The following CAMTA1 variants were observed in gnomAD, a reference collection of about 807,000 sequenced individuals.
CAMTA1 encodes the protein calmodulin binding transcription activator 1, also known as calmodulin-binding transcription activator 1.
CAMTA1 carries 27 observed loss-of-function variants against 170.9 expected under a neutral mutation model. The observed-to-expected ratio is 0.16, with a 90% CI of 0.12 to 0.22. The LOEUF (loss-of-function observed/expected upper bound fraction) is 0.22, where lower values mean the gene tolerates loss of function less well. Ranked by LOEUF, CAMTA1 falls within the 10% of genes least tolerant of loss-of-function variation. The pLI is 1.00. For synonymous variants in CAMTA1, 833 were observed against 891.5 expected (o/e 0.93, Z 1.17); for missense variants, 1,619 against 2,217.2 (o/e 0.73, Z 5.42).
chr1:7,466,166 A>C (rs1490344031), intron 5 of CAMTA1, among the ~76,000 whole-genome samples: 1 of 152,234 alleles, frequency 6.6e-6, no homozygotes, highest in African/African-American at 2.4e-5. Context: ...ATGTCTAGAC[A>C]TGCGTCTCCT....
At chr1:6,909,005 A>T (rs1424377336) in intron 3 of CAMTA1, among the ~76,000 whole-genome samples, 1 of 152,272 alleles carries the variant, frequency 6.6e-6, no homozygotes, top group Non-Finnish European at 1.5e-5. Flanking sequence ...GGCGAAGTAC[A>T]ATAATAACCA....
At position 7,665,061 on chromosome 1, in the gene CAMTA1, C is replaced by T. The variant is rs756492831; in HGVS notation, c.2514C>T (p.Gly838=). 11 of 1,572,368 alleles carry T rather than the reference C, an allele frequency of 7.0e-6. 1 individual carries two copies. Among genetic ancestry groups the T allele is most frequent in the Middle Eastern group, 3.4e-4 (2 of 5,866 alleles). The change falls in exon 9 of 23, where the codon GGC becomes GGT. Residue 838 remains glycine (G), a synonymous_variant. Coordinates refer to ENST00000303635, the MANE Select transcript of CAMTA1 (RefSeq NM_015215.4). This position sits in a 1 kb window ranked among gnomAD's most constrained non-coding sequence, Gnocchi z 4.3. The stretch of plus-strand genomic sequence containing the variant: ...GCCTGCAGCTGAGCAGCTCGGAGGG[C>T]GGGGCCAGCACCATGGCCTACATGC... ...QGSLQLSSSE[G]GASTMAYMHV... is the part of the protein sequence containing the mutation.
intron 5 of CAMTA1, among the ~76,000 whole-genome samples, chr1:7,355,808 C>T (rs369229824): frequency 1.1e-4 from 17 of 149,706 alleles, no homozygotes; most frequent in East Asian, 6.0e-4. Flanking sequence ...CCCTTGGCTC[C>T]GGCTCACAGG....
At chr1:6,889,593 C>A (rs1674081527) in intron 3 of CAMTA1, among the ~76,000 whole-genome samples, 1 of 152,156 alleles carries the variant, frequency 6.6e-6, no homozygotes, top group Non-Finnish European at 1.5e-5. Flanking sequence ...AAGATTAAAT[C>A]ATGTTTTAAT....
In CAMTA1 at chr1:7,534,269, G is replaced by T. The variant is rs2094524347; in HGVS notation, c.510+66368G>T. Among the ~76,000 whole-genome samples the T allele has an allele frequency of 6.6e-6, 1 of 152,200 alleles. No homozygotes were observed. Among genetic ancestry groups the T allele is most frequent in the Non-Finnish European group, 1.5e-5 (1 of 68,036 alleles). On this transcript the variant is annotated intron_variant, in intron 6 of 22. Transcript: ENST00000303635. This position sits in a 1 kb window ranked among gnomAD's most constrained non-coding sequence, Gnocchi z 5.6. ...ATAACGTTCAGCAGAGCCCAGGCTG[G>T]CTGGAGGCCGAGGCTGGGGGCCGCG...
At chr1:6,960,362 G>T (rs1557888093) in intron 3 of CAMTA1, among the ~76,000 whole-genome samples, 3 of 152,206 alleles carry the variant, frequency 2.0e-5, no homozygotes, top group African/African-American at 7.2e-5. Context: ...GACAGTGTGG[G>T]CCCCCATTTT....
At chr1:6,883,425 G>T (rs1462347096) in intron 3 of CAMTA1, among the ~76,000 whole-genome samples, 4 of 152,194 alleles carry the variant, frequency 2.6e-5, no homozygotes, top group African/African-American at 9.7e-5. Context: ...GCTTTCGGCA[G>T]CCTAAGTGTA....
At chr1:7,276,304 T>TATATATATATATATATATATATA in intron 5 of CAMTA1, among the ~76,000 whole-genome samples, 1 of 14,944 alleles carries the variant, frequency 6.7e-5, no homozygotes, top group Admixed American at 9.4e-4. Flanking sequence ...TATATATATA[T>TATATATATATATATATATATATA]TTTTTTTTTT....
intron 4 of CAMTA1, among the ~76,000 whole-genome samples, chr1:7,138,477 G>A (rs974471888): frequency 2.0e-5 from 3 of 152,080 alleles, no homozygotes; most frequent in East Asian, 3.9e-4. Flanking sequence ...GAAAACAGTC[G>A]ATGCTAATTT....
intron 6 of CAMTA1, among the ~76,000 whole-genome samples, chr1:7,560,480 T>G (rs1321656031): frequency 1.3e-5 from 2 of 152,074 alleles, no homozygotes; most frequent in Non-Finnish European, 2.9e-5. Flanking sequence ...CTCTGTGAAA[T>G]GAGCCATGTA....
chr1:7,011,492 C>T (rs769841841), intron 3 of CAMTA1, among the ~76,000 whole-genome samples: 3 of 152,068 alleles, frequency 2.0e-5, no homozygotes, highest in Admixed American at 6.5e-5. Context: ...TCTGAAGATG[C>T]GGAGGACCTA....
rs769896659 is a variant in CAMTA1 at position 7,041,210 on chromosome 1, G to A, written c.235-50094G>A. Among the ~76,000 whole-genome samples, 2 of 152,244 alleles carry A rather than the reference G, an allele frequency of 1.3e-5. No homozygotes were observed. Among genetic ancestry groups the A allele is most frequent in the Non-Finnish European group, 2.9e-5 (2 of 68,050 alleles). On this transcript the variant is annotated intron_variant, in intron 3 of 22. Coordinates refer to ENST00000303635, the MANE Select transcript of CAMTA1 (RefSeq NM_015215.4). This position sits in a 1 kb window ranked among gnomAD's most constrained non-coding sequence, Gnocchi z 5.1. ...TCATTTTCTACACGAGGCCCCACAC[G>A]GCCCCGGAGCTGGAGCTTCTACCGA...
chr1:6,973,700 C>T (rs914985945), intron 3 of CAMTA1, among the ~76,000 whole-genome samples: 3 of 152,152 alleles, frequency 2.0e-5, no homozygotes, highest in African/African-American at 2.4e-5. Flanking sequence ...CGATTCTGAA[C>T]CTCTTTGGTT....
chr1:6,815,317 G>T (rs1381305645), intron 1 of CAMTA1, among the ~76,000 whole-genome samples: 1 of 151,936 alleles, frequency 6.6e-6, no homozygotes, highest in Non-Finnish European at 1.5e-5. Flanking sequence ...CAATCCGCCT[G>T]CCTCAGCCTT....
At chr1:6,814,116 A>G (rs1028040538) in intron 1 of CAMTA1, among the ~76,000 whole-genome samples, 1 of 152,210 alleles carries the variant, frequency 6.6e-6, no homozygotes, top group African/African-American at 2.4e-5. Flanking sequence ...CATTTTGAGT[A>G]TGTTAGGAAA....
chr1:7,243,189 G>T (rs1247005171), intron 4 of CAMTA1, among the ~76,000 whole-genome samples: 1 of 152,154 alleles, frequency 6.6e-6, no homozygotes, highest in East Asian at 1.9e-4. Context: ...CCTATGCCTT[G>T]GTCTTCTTTT....
chr1:7,384,091 G>A (rs11802843), intron 5 of CAMTA1, among the ~76,000 whole-genome samples: 2,079 of 152,294 alleles, frequency 0.014, 48 homozygotes, highest in African/African-American at 0.047. Context: ...CCCTGGGAAA[G>A]AAAAGGTGGC....
intron 4 of CAMTA1, among the ~76,000 whole-genome samples, chr1:7,188,522 T>A (rs1363332175): frequency 6.6e-6 from 1 of 152,202 alleles, no homozygotes; most frequent in Non-Finnish European, 1.5e-5. Flanking sequence ...CTGTATGGAT[T>A]TGACTACTCC....
chr1:6,865,664 C>A (rs1322863595), intron 3 of CAMTA1, among the ~76,000 whole-genome samples: 1 of 152,158 alleles, frequency 6.6e-6, no homozygotes, highest in East Asian at 1.9e-4. Context: ...CCTTTGAGGT[C>A]CTGAGTACTA....
Sources: gnomAD v4.1 joint callset for allele counts (sites outside exome capture counted in the v4.1 genomes callset) on GRCh38, gnomAD v4.1.1 for gene constraint, Gnocchi (gnomAD v3.1) non-coding constraint, MANE v1.5 for transcripts, NCBI Gene and HGNC (gene_info 2026-07-23, HGNC 2026-07-21) for gene names.